Variants in RPS25 observed in about 807,000 individuals in gnomAD.
RPS25 encodes the protein ribosomal protein S25, also known as small ribosomal subunit protein eS25.
RPS25 carries 1 observed loss-of-function variant against 14.4 expected under a neutral mutation model. The ratio of observed to expected loss-of-function variants is 0.07; its 90% CI spans 0.02 to 0.33. The LOEUF is 0.33. RPS25 is among the 10% of genes least tolerant of loss of function. RPS25 has a pLI of 1.00. For missense variants in RPS25, 65 were observed against 144.6 expected, an observed-to-expected ratio of 0.45 and a Z score of 2.82; for synonymous variants, 63 against 53.8, an observed-to-expected ratio of 1.17 and a Z score of -0.75.
At chr11:119,018,117 G>C in intron 1 of RPS25, 64 bp from the exon 2 acceptor site, 2 of 1,565,088 alleles carry the variant, frequency 1.3e-6, no homozygotes, top group Non-Finnish European at 1.8e-6. Flanking sequence ...CTAATACTGC[G>C]CCCTCAGCCC....
At chr11:119,018,198 G>T in intron 1 of RPS25, 84 bp downstream of exon 1, 2 of 1,604,782 alleles carry the variant, frequency 1.2e-6, no homozygotes, top group South Asian at 2.2e-5. Flanking sequence ...AGGCCGGCAG[G>T]CCAAGGAGCG....
chr11:119,016,266 A>G (rs1454856104), intron 3 of RPS25, among the ~76,000 whole-genome samples: 1 of 152,184 alleles, frequency 6.6e-6, no homozygotes, highest in Non-Finnish European at 1.5e-5. Context: ...AACCTGGGCA[A>G]CAGAATGAGA....
intron 1 of RPS25, 39 bp from the exon 2 acceptor site, chr11:119,018,092 T>A (rs1056318418): frequency 6.3e-7 from 1 of 1,598,134 alleles, no homozygotes; most frequent in South Asian, 1.1e-5. Flanking sequence ...GGTCCTCAAA[T>A]AGCGCCAAAG....
intron 2 of RPS25, 152 bp from the exon 3 acceptor site, chr11:119,017,697 G>A: frequency 1.2e-6 from 1 of 806,288 alleles, no homozygotes; most frequent in Admixed American, 3.0e-5. Flanking sequence ...ACACCGACAC[G>A]TTTTTGGCCT....
intron 3 of RPS25, 25 bp from the exon 4 acceptor site, chr11:119,015,964 AGAT>A (rs781987508): frequency 1.4e-6 from 2 of 1,389,316 alleles, no homozygotes; most frequent in Non-Finnish European, 2.0e-6. Flanking sequence ...TAGCACGATG[AGAT>A]GCTTAACAGA....
chr11:119,018,204 G>A (rs1338584048), intron 1 of RPS25, 78 bp downstream of exon 1: 10 of 1,607,096 alleles, frequency 6.2e-6, no homozygotes, highest in Non-Finnish European at 7.7e-6. Flanking sequence ...GCAGGCCAAG[G>A]AGCGCTCCCG....
intron 2 of RPS25, 24 bp downstream of exon 2, chr11:119,017,934 C>T (rs782610761): frequency 1.1e-5 from 17 of 1,584,278 alleles, no homozygotes; most frequent in Admixed American, 1.7e-5. Flanking sequence ...CCCCTAGTCT[C>T]TTTCAGAGAG....
At chr11:119,018,105 C>G in intron 1 of RPS25, 52 bp from the exon 2 acceptor site, 5 of 1,581,364 alleles carry the variant, frequency 3.2e-6, no homozygotes, top group Non-Finnish European at 4.3e-6. Context: ...CGCCAAAGTC[C>G]CCTAATACTG....
At chr11:119,017,328 C>G (rs1452642761) in intron 3 of RPS25, 34 bp downstream of exon 3, 2 of 1,501,842 alleles carry the variant, frequency 1.3e-6, no homozygotes, top group East Asian at 2.3e-5. Flanking sequence ...ACAATTTAAC[C>G]TACAAAAACA....
chr11:119,016,340 A>G (rs1943155186), intron 3 of RPS25, among the ~76,000 whole-genome samples: 1 of 152,124 alleles, frequency 6.6e-6, no homozygotes, highest in Non-Finnish European at 1.5e-5. Flanking sequence ...CACTTTGGAC[A>G]GGTGGATCTC....
At chr11:119,016,936 G>A (rs1943175784) in intron 3 of RPS25, among the ~76,000 whole-genome samples, 1 of 152,180 alleles carries the variant, frequency 6.6e-6, no homozygotes, top group East Asian at 1.9e-4. Context: ...CCTTATTATT[G>A]TGGAATTATG....
At chr11:119,018,149 C>A (rs1356645826) in intron 1 of RPS25, 96 bp from the exon 2 acceptor site, 1 of 1,560,886 alleles carries the variant, frequency 6.4e-7, no homozygotes, top group Non-Finnish European at 8.8e-7. Flanking sequence ...ACCACCAGAG[C>A]ACATGGGCCA....
At chr11:119,016,220 TG>T (rs1472115717) in intron 3 of RPS25, among the ~76,000 whole-genome samples, 1 of 152,038 alleles carries the variant, frequency 6.6e-6, no homozygotes, top group African/African-American at 2.4e-5. Context: ...CAGGAATTGG[TG>T]GTTGCATTGA....
At chr11:119,016,638 C>A (rs979226976) in intron 3 of RPS25, among the ~76,000 whole-genome samples, 6 of 151,276 alleles carry the variant, frequency 4.0e-5, no homozygotes, top group Admixed American at 2.0e-4. Context: ...TCTTCCACCC[C>A]CCCCCCCTTT....
chr11:119,016,079 G>A (rs535251125), intron 3 of RPS25, 140 bp from the exon 4 acceptor site: 2 of 582,570 alleles, frequency 3.4e-6, no homozygotes, highest in Non-Finnish European at 6.3e-6. Context: ...CTTGAGGTAA[G>A]GAGTTGCACA....
chr11:119,015,880 C>A lies in RPS25; in HGVS notation c.343G>T (p.Gly115Cys). The A allele has an allele frequency of 6.2e-7, 1 of 1,612,172 alleles. No homozygotes were observed. Among genetic ancestry groups the A allele is most frequent in the Non-Finnish European group, 8.5e-7 (1 of 1,178,196 alleles). The change falls in exon 4 of 5, where the codon GGT (glycine) becomes TGT (cysteine). Residue 115 changes from glycine to cysteine, a missense_variant. Physicochemically the swap from Gly to Cys is radical, Grantham distance 159 (BLOSUM62 -3). Coordinates refer to ENST00000527673, the MANE Select transcript of RPS25 (RefSeq NM_001028.3). ...TCACCAGCAGCTGGAGCATCTCCAC[C>A]CTTGGTATTTCTGGTGTAAATTACT... ...AQVIYTRNTK[G>C]GDAPAAGEDA
In RPS25 at chr11:119,015,769, A is replaced by G; in HGVS notation, c.*5-11T>C. ...TACAGCTGGTTGGACCTGTAAAAAA[A>G]AATTAAAAGAATCAGAACCATAAAG... On this transcript the variant is annotated splice_polypyrimidine_tract_variant and intron_variant, in intron 4 of 4. Coordinates refer to ENST00000527673, the MANE Select transcript of RPS25 (RefSeq NM_001028.3). The G allele has an allele frequency of 7.6e-7, 1 of 1,322,204 alleles. No homozygotes were observed. 81.9% of individuals were successfully genotyped at this position (1,322,204 alleles called of 1,614,324 possible).
chr11:119,016,086 C>A, intron 3 of RPS25, 147 bp from the exon 4 acceptor site: 1 of 565,558 alleles, frequency 1.8e-6, no homozygotes, highest in Admixed American at 3.0e-5. Flanking sequence ...TAAGGAGTTG[C>A]ACACCAGCCT....
At chr11:119,016,549 A>C (rs781894484) in intron 3 of RPS25, among the ~76,000 whole-genome samples, 2 of 151,914 alleles carry the variant, frequency 1.3e-5, no homozygotes, top group Non-Finnish European at 2.9e-5. Context: ...GAATTGCTTA[A>C]TCTGACGTTC....
Sources: allele counts gnomAD v4.1 joint callset (sites outside exome capture counted in the v4.1 genomes callset), GRCh38; gene constraint gnomAD v4.1.1; transcripts MANE v1.5; gene names NCBI Gene and HGNC (gene_info 2026-07-23, HGNC 2026-07-21).